Variants in GRM7 observed in about 807,000 individuals in gnomAD.
The protein encoded by GRM7 is glutamate metabotropic receptor 7.
Under a neutral mutation model 84.5 loss-of-function variants are expected in GRM7, and 35 were observed. That is an observed-to-expected ratio of 0.41 (90% CI 0.32 to 0.55). GRM7 has a LOEUF of 0.55. Ranked by LOEUF, GRM7 falls within the 20% of genes least tolerant of loss-of-function variation. The pLI, the probability that GRM7 is intolerant of heterozygous loss-of-function variation, is 0.19. For missense variants in GRM7, 1,003 were observed against 1,194.6 expected (o/e 0.84, Z 2.36); for synonymous variants, 487 against 455.1 (o/e 1.07, Z -0.89).
chr3:7,511,050 A>AG (rs1189154284), intron 7 of GRM7, among the ~76,000 whole-genome samples: 2 of 152,174 alleles, frequency 1.3e-5, no homozygotes, highest in Admixed American at 6.5e-5. Context: ...AAGCAAGATA[A>AG]GACTTGGACT....
intron 8 of GRM7, among the ~76,000 whole-genome samples, chr3:7,659,477 T>TC (rs35403205): frequency 0.45 from 68,952 of 151,824 alleles, 16,357 homozygotes; most frequent in Non-Finnish European, 0.53. Context: ...CATATGTAAA[T>TC]CAACAGCACC....
At chr3:7,444,157 T>G (rs1229352884) in intron 5 of GRM7, among the ~76,000 whole-genome samples, 4 of 152,184 alleles carry the variant, frequency 2.6e-5, no homozygotes, top group African/African-American at 9.6e-5. Context: ...TTCATGAATG[T>G]CCTGAAAGTT....
intron 8 of GRM7, among the ~76,000 whole-genome samples, chr3:7,652,142 C>T (rs1698971999): frequency 6.6e-6 from 1 of 152,172 alleles, no homozygotes; most frequent in African/African-American, 2.4e-5. Context: ...GAATAGTATA[C>T]AGATATTTTA....
intron 1 of GRM7, among the ~76,000 whole-genome samples, chr3:6,913,440 A>G (rs1212012821): frequency 6.6e-6 from 1 of 152,182 alleles, no homozygotes; most frequent in Non-Finnish European, 1.5e-5. Context: ...GCAATTTAAA[A>G]TTGTGAGGAT....
intron 1 of GRM7, among the ~76,000 whole-genome samples, chr3:7,072,071 C>T (rs542828918): frequency 1.3e-5 from 2 of 152,060 alleles, no homozygotes; most frequent in East Asian, 1.9e-4. Context: ...TATCTCTTAG[C>T]ATTTCTCCCC....
chr3:6,893,515 A>G (rs1045550808), intron 1 of GRM7, among the ~76,000 whole-genome samples: 1 of 152,144 alleles, frequency 6.6e-6, no homozygotes, highest in African/African-American at 2.4e-5. Flanking sequence ...TTTCCTACAG[A>G]CATAAACTGA....
intron 2 of GRM7, among the ~76,000 whole-genome samples, chr3:7,286,741 C>T (rs1381071308): frequency 6.6e-6 from 1 of 152,094 alleles, no homozygotes; most frequent in Non-Finnish European, 1.5e-5. Context: ...TCTTTCAAGA[C>T]TGTTGCAAAT....
At chr3:7,369,981 C>T (rs1016915382) in intron 4 of GRM7, among the ~76,000 whole-genome samples, 13 of 152,232 alleles carry the variant, frequency 8.5e-5, no homozygotes, top group African/African-American at 3.1e-4. Context: ...AAGCATCCCT[C>T]ATGGGAAATC....
chr3:7,159,796 C>T (rs866570206), intron 2 of GRM7, among the ~76,000 whole-genome samples: 3 of 152,116 alleles, frequency 2.0e-5, no homozygotes, highest in African/African-American at 4.8e-5. Context: ...TAAACCAGGA[C>T]GTCTCCTACT....
chr3:7,546,450 C>T (rs1693155429), intron 7 of GRM7, among the ~76,000 whole-genome samples: 1 of 152,188 alleles, frequency 6.6e-6, no homozygotes, highest in African/African-American at 2.4e-5. Context: ...TAATTCAAGT[C>T]TTCATATTCA....
At chr3:6,916,046 C>T (rs999387806) in intron 1 of GRM7, among the ~76,000 whole-genome samples, 1 of 152,170 alleles carries the variant, frequency 6.6e-6, no homozygotes. Context: ...AAGGCACTAT[C>T]TTTGTTGATG....
rs148190601 is a variant in GRM7, at chr3:7,265,899, T to C, written c.737-32785T>C. 3.8e-3 allele frequency among the ~76,000 whole-genome samples: 573 copies of C among 152,254 alleles called. 2 individuals carry two copies. Among genetic ancestry groups the C allele is most frequent in the African/African-American group, 0.013 (525 of 41,546 alleles). ...GCATAATCTTCTTAATCCTCCTAAG[T>C]GTCCTGGGAGGCCTGGTGGGGTTAC... On this transcript the variant is annotated intron_variant, in intron 2 of 9. Coordinates refer to ENST00000357716, the MANE Select transcript of GRM7 (RefSeq NM_000844.4).
At chr3:6,917,845 G>T (rs920807264) in intron 1 of GRM7, among the ~76,000 whole-genome samples, 1 of 152,034 alleles carries the variant, frequency 6.6e-6, no homozygotes, top group Admixed American at 6.6e-5. Flanking sequence ...TCCTTAAGGG[G>T]CTCCCTCCAT....
chr3:7,391,565 G>A (rs374360059), intron 4 of GRM7, among the ~76,000 whole-genome samples: 1 of 152,064 alleles, frequency 6.6e-6, no homozygotes, highest in African/African-American at 2.4e-5. Flanking sequence ...GTCGTGGGGC[G>A]GGGGAAGTGG....
intron 4 of GRM7, chr3:7,403,144 T>A (rs1054685220): frequency 2.5e-5 from 11 of 446,108 alleles, no homozygotes; most frequent in African/African-American, 2.2e-4. Flanking sequence ...TCTGACAAGT[T>A]TGTCTGGCTT....
chr3:6,922,620 T>C (rs147888982), intron 1 of GRM7, among the ~76,000 whole-genome samples: 74 of 152,238 alleles, frequency 4.9e-4, no homozygotes, highest in South Asian at 1.5e-3. Flanking sequence ...AGATCACAAA[T>C]TTTAGAACCT....
chr3:7,333,898 C>G (rs867191788), intron 4 of GRM7, among the ~76,000 whole-genome samples: 6 of 151,758 alleles, frequency 4.0e-5, no homozygotes, highest in Admixed American at 6.6e-5. Flanking sequence ...TTGAATTAAG[C>G]CAATCAGACA....
chr3:6,873,123 G>T (rs567078448), intron 1 of GRM7, among the ~76,000 whole-genome samples: 1 of 152,276 alleles, frequency 6.6e-6, no homozygotes, highest in East Asian at 1.9e-4. Flanking sequence ...ACGCCCTGGA[G>T]TGCAGTGGCG....
intron 4 of GRM7, among the ~76,000 whole-genome samples, chr3:7,323,164 G>A (rs1700852723): frequency 6.6e-6 from 1 of 152,106 alleles, no homozygotes; most frequent in Admixed American, 6.6e-5. Flanking sequence ...TTAGCCACAG[G>A]CTGTCTCTAG....
Sources: allele counts gnomAD v4.1 joint callset (sites outside exome capture counted in the v4.1 genomes callset), GRCh38; gene constraint gnomAD v4.1.1; transcripts MANE v1.5; gene names NCBI Gene and HGNC (gene_info 2026-07-23, HGNC 2026-07-21).